Variants in MAP3K14 observed in about 807,000 individuals in gnomAD.
MAP3K14 encodes the protein NF-kappa-beta-inducing kinase.
A neutral mutation model predicts 99.2 loss-of-function variants in MAP3K14; 16 were observed. The observed-to-expected ratio is 0.16, with a 90% CI of 0.11 to 0.24. The LOEUF (loss-of-function observed/expected upper bound fraction) is 0.24, where lower values mean the gene tolerates loss of function less well. MAP3K14 is among the 10% of genes least tolerant of loss of function. The pLI is 1.00. For missense variants in MAP3K14, 784 were observed against 1,208.7 expected (o/e 0.65, Z 5.21); for synonymous variants, 462 against 492.4 (o/e 0.94, Z 0.82).
intron 6 of MAP3K14, among the ~76,000 whole-genome samples, chr17:45,280,587 G>A (rs1375823855): frequency 6.6e-6 from 1 of 151,834 alleles, no homozygotes; most frequent in East Asian, 1.9e-4. Flanking sequence ...TTACAGGCGT[G>A]AGCCACCACA....
intron 6 of MAP3K14, among the ~76,000 whole-genome samples, chr17:45,284,341 G>A (rs542267595): frequency 3.9e-4 from 60 of 152,300 alleles, no homozygotes; most frequent in South Asian, 8.3e-4. Context: ...TGGCCAACAG[G>A]GGGCACAGCT....
chr17:45,271,321 C>T (rs2044141217), intron 9 of MAP3K14, 100 bp from the exon 10 acceptor site: 7 of 1,034,722 alleles, frequency 6.8e-6, no homozygotes, highest in African/African-American at 1.6e-5. Flanking sequence ...TTACATTTGT[C>T]ACTGTTAAAG....
chr17:45,292,524 G>A (rs2044318800), intron 1 of MAP3K14, among the ~76,000 whole-genome samples: 1 of 152,114 alleles, frequency 6.6e-6, no homozygotes, highest in Admixed American at 6.5e-5. Context: ...TTGCACCATT[G>A]CATTCTCCAG....
Position 45,284,857 on chromosome 17 carries a change from G to T in MAP3K14, c.1245C>A (p.His415Gln), listed in dbSNP as rs768690744. The change falls in exon 6 of 16, where the codon CAC becomes CAA. Residue 415 changes from histidine (H) to glutamine (Q), a missense_variant. By Grantham distance (24) the His-to-Gln change is conservative (BLOSUM62 0). Around this residue, in one of 5 missense-constraint regions of MAP3K14, gnomAD observed 200 missense variants for 367.9 expected, o/e 0.54. Transcript: ENST00000344686. The stretch of plus-strand genomic sequence containing the variant: ...AGCCAGTCTGCTTGTCCTCCATCCT[G>T]TGCACCTCTCCGAAGGAGCCTCTGC... ...RLGRGSFGEV[H>Q]RMEDKQTGFQ... The T allele has an allele frequency of 5.0e-6, 8 of 1,590,170 alleles. No homozygotes were observed. In the South Asian group the frequency reaches 9.2e-5, roughly 18 times the overall value.
In MAP3K14 at chr17:45,306,909, C is replaced by T. The variant is rs111827100; in HGVS notation, c.-21+10051G>A. 3.3e-5 allele frequency among the ~76,000 whole-genome samples: 5 copies of T among 152,278 alleles called. No individual in the cohort carries two copies. The East Asian group carries it at 5.8e-4, about 18-fold the overall frequency. On this transcript the variant is annotated intron_variant, in intron 1 of 15. Coordinates refer to ENST00000344686, the MANE Select transcript of MAP3K14 (RefSeq NM_003954.5). ...AGTATTGAGATAAAAACCTGTCACA[C>T]GTGTACTTAATTTTATACAATAAGC...
intron 1 of MAP3K14, among the ~76,000 whole-genome samples, chr17:45,311,963 G>A (rs114635679): frequency 1.6e-3 from 241 of 152,204 alleles, no homozygotes; most frequent in African/African-American, 5.5e-3. Context: ...CCCCGTCCAC[G>A]ATCCCCCCTC....
chr17:45,281,603 T>TACAGGCATGAGCC (rs1444562716), intron 6 of MAP3K14: 9 of 151,208 alleles, frequency 6.0e-5, no homozygotes, highest in Admixed American at 2.6e-4. Context: ...GTGCTGGGAT[T>TACAGGCATGAGCC]ACAGGCATGA....
chr17:45,305,990 C>T (rs1366443222), intron 1 of MAP3K14, among the ~76,000 whole-genome samples: 1 of 152,182 alleles, frequency 6.6e-6, no homozygotes, highest in African/African-American at 2.4e-5. Context: ...AATTAGTTGT[C>T]CTGTGGTCAT....
Position 45,297,938 on chromosome 17 carries a change from C to T in MAP3K14, c.-20-7173G>A, listed in dbSNP as rs980739157. On this transcript the variant is annotated intron_variant, in intron 1 of 15. Coordinates refer to ENST00000344686, the MANE Select transcript of MAP3K14 (RefSeq NM_003954.5). ...TTCCCCATGTTGGCCAGGCTGGTCT[C>T]GAACTCCTGACCTCAGGTGATCTGC... 7.9e-5 allele frequency among the ~76,000 whole-genome samples: 12 copies of T among 151,846 alleles called. No homozygotes were observed. In the East Asian group the frequency reaches 1.4e-3, roughly 17 times the overall value.
intron 5 of MAP3K14, among the ~76,000 whole-genome samples, chr17:45,285,588 T>G (rs1042048778): frequency 1.3e-5 from 2 of 151,948 alleles, no homozygotes; most frequent in Non-Finnish European, 2.9e-5. Flanking sequence ...ATAGTGCCAC[T>G]ACACTCCAGC....
At chr17:45,297,376 G>A (rs1342282952) in intron 1 of MAP3K14, among the ~76,000 whole-genome samples, 1 of 152,216 alleles carries the variant, frequency 6.6e-6, no homozygotes, top group Non-Finnish European at 1.5e-5. Context: ...TTACTGATGA[G>A]GGGTCTTGTC....
intron 1 of MAP3K14, among the ~76,000 whole-genome samples, chr17:45,303,698 T>C (rs1275974110): frequency 1.3e-5 from 2 of 151,882 alleles, no homozygotes; most frequent in Non-Finnish European, 2.9e-5. Context: ...TGTAAATCCT[T>C]CTAGTTCCAA....
rs765344342 is a variant in MAP3K14 at position 45,287,297 on chromosome 17, C to T, written c.394G>A (p.Val132Met). ...CTGCGACGCTTTCCCTTCCAACACA[C>T]ACGGGCCATTTTGCCCTCTGTAGCA... ...AHATEGKMAR[V>M]CWKGKRRSKA... is the part of the protein sequence containing the mutation. The change falls in exon 4 of 16, where the codon GTG (valine) becomes ATG (methionine). Residue 132 changes from valine (V) to methionine (M), a missense_variant. Transcript: ENST00000344686. The T allele has an allele frequency of 4.7e-5, 76 of 1,613,934 alleles. No individual in the cohort carries two copies. The highest frequency in any genetic ancestry group is 2.5e-6 in the Non-Finnish European group (3 of 1,179,912).
intron 6 of MAP3K14, among the ~76,000 whole-genome samples, chr17:45,278,707 C>G (rs1191164991): frequency 6.8e-6 from 1 of 147,734 alleles, no homozygotes; most frequent in Non-Finnish European, 1.5e-5. Flanking sequence ...GAGACAAGGT[C>G]TCCCTTGGTT....
chr17:45,303,996 A>ATTTCT (rs1227159359), intron 1 of MAP3K14, among the ~76,000 whole-genome samples: 1 of 137,172 alleles, frequency 7.3e-6, no homozygotes, highest in Non-Finnish European at 1.6e-5. Context: ...ATTTAGATTT[A>ATTTCT]TTTCTTTTCT....
rs765458500 is a variant in MAP3K14, at chr17:45,264,735, C to T, written c.2745G>A (p.Val915=). ...ACTGCAGGTCGATGCCCGAGTCTGG[C>T]ACCTCCATGTCGTAGCGAACAGGCT... is the stretch of plus-strand genomic sequence containing the variant. ...DGQPVRYDME[V]PDSGIDLQCT... is the part of the protein sequence containing the mutation. The change falls in exon 16 of 16, where the codon GTG becomes GTA. Residue 915 remains valine, a synonymous_variant. Transcript: ENST00000344686. 1.2e-6 allele frequency: 2 copies of T among 1,612,976 alleles called. No homozygotes were observed. The highest frequency in any genetic ancestry group is 1.7e-6 in the Non-Finnish European group (2 of 1,179,538).
rs1369515872 is a variant in MAP3K14 at position 45,286,769 on chromosome 17, G to A, written c.814C>T (p.Leu272Phe). 1 of 1,612,844 alleles carries A rather than the reference G, an allele frequency of 6.2e-7. No homozygotes were observed. Among genetic ancestry groups the A allele is most frequent in the African/African-American group, 1.3e-5 (1 of 75,032 alleles). The change falls in exon 5 of 16, where the codon CTC becomes TTC. Residue 272 changes from leucine to phenylalanine, a missense_variant. This residue lies in a region of MAP3K14 where 138 missense variants were observed against 164.1 expected (regional missense o/e 0.84). Coordinates refer to ENST00000344686, the MANE Select transcript of MAP3K14 (RefSeq NM_003954.5). This position sits in a 1 kb window ranked among gnomAD's most constrained non-coding sequence, Gnocchi z 4.1. The part of the protein sequence containing the change: ...RLPHPFPFHP[L>F]QPWKPHPLES... ...AGAGGGTGAGGTTTCCAGGGCTGGA[G>A]AGGGTGGAATGGGAAGGGATGAGGC... is the stretch of plus-strand genomic sequence containing the variant.
chr17:45,293,860 C>T (rs1249412838), intron 1 of MAP3K14, among the ~76,000 whole-genome samples: 3 of 152,118 alleles, frequency 2.0e-5, no homozygotes, highest in Admixed American at 6.5e-5. Flanking sequence ...CACACACATA[C>T]GGATGCACTT....
chr17:45,300,291 A>G (rs2044376810), intron 1 of MAP3K14, among the ~76,000 whole-genome samples: 1 of 152,174 alleles, frequency 6.6e-6, no homozygotes, highest in Admixed American at 6.5e-5. Flanking sequence ...TTCTATTGGC[A>G]TTGGTCTTAC....
Sources: gnomAD v4.1 joint callset for allele counts (sites outside exome capture counted in the v4.1 genomes callset) on GRCh38, gnomAD v4.1.1 for gene constraint, gnomAD v4.1.1 regional missense constraint, Gnocchi (gnomAD v3.1) non-coding constraint, MANE v1.5 for transcripts, NCBI Gene and HGNC (gene_info 2026-07-23, HGNC 2026-07-21) for gene names.